The following SOX5 variants were observed in gnomAD, a reference collection of about 807,000 sequenced individuals.
SOX5 encodes the protein transcription factor SOX-5.
In SOX5, 9 loss-of-function variants were observed where a neutral mutation model predicts 92.0. The ratio of observed to expected loss-of-function variants is 0.10; its 90% confidence interval spans 0.06 to 0.17. SOX5 has a LOEUF of 0.17. Ranked by LOEUF, SOX5 falls within the 10% of genes least tolerant of loss-of-function variation. SOX5 has a pLI of 1.00. For missense variants in SOX5, 642 were observed against 944.5 expected, an observed-to-expected ratio of 0.68 and a Z score of 4.20; for synonymous variants, 344 against 336.3, an observed-to-expected ratio of 1.02 and a Z score of -0.25.
At chr12:24,455,273 A>G (rs1942874540) in intron 1 of SOX5, among the ~76,000 whole-genome samples, 1 of 152,208 alleles carries the variant, frequency 6.6e-6, no homozygotes, top group Non-Finnish European at 1.5e-5. Context: ...GAGTTCCTCT[A>G]TTTGAAACTG....
In SOX5 at chr12:24,171,824, C is replaced by T. The variant is rs554454755; in HGVS notation, c.-2+41519G>A. Among the ~76,000 whole-genome samples the T allele has an allele frequency of 3.3e-5, 5 of 151,708 alleles. No individual in the cohort carries two copies. The South Asian group carries it at 1.0e-3, about 32-fold the overall frequency. ...GGCAGCCTGGGCAACACAGCAAGAC[C>T]CTGTCTCTATTTTTAAAAAAAAGAA... is the stretch of plus-strand genomic sequence containing the variant. On this transcript the variant is annotated intron_variant, in intron 4 of 4. Transcript: ENST00000446891.
intron 1 of SOX5, among the ~76,000 whole-genome samples, chr12:24,432,582 A>G (rs547636617): frequency 1.3e-5 from 2 of 152,282 alleles, no homozygotes; most frequent in African/African-American, 4.8e-5. Context: ...TGGGAGGCCA[A>G]GGCAGCAGAT....
At chr12:24,447,907 G>A (rs866832849) in intron 1 of SOX5, among the ~76,000 whole-genome samples, 3 of 152,134 alleles carry the variant, frequency 2.0e-5, no homozygotes, top group Non-Finnish European at 2.9e-5. Context: ...GTGGCCGGGC[G>A]TGGTGGCTCA....
chr12:24,249,487 T>C (rs1189924841), intron 3 of SOX5, among the ~76,000 whole-genome samples: 1 of 152,248 alleles, frequency 6.6e-6, no homozygotes, highest in African/African-American at 2.4e-5. Context: ...GGTGTATCTT[T>C]TTTCTAATCT....
At chr12:23,587,941 G>A (rs536971361) in intron 9 of SOX5, among the ~76,000 whole-genome samples, 13 of 151,984 alleles carry the variant, frequency 8.6e-5, no homozygotes, top group South Asian at 2.1e-4. Context: ...GTTACCCACC[G>A]GCCATTTTAT....
chr12:23,996,670 C>T (rs1951060124), intron 4 of SOX5, among the ~76,000 whole-genome samples: 1 of 152,114 alleles, frequency 6.6e-6, no homozygotes, highest in African/African-American at 2.4e-5. Context: ...TGTACATGAG[C>T]CTCCAAAGCA....
At position 24,188,358 on chromosome 12, in the gene SOX5, T is replaced by G. The variant is rs551824822; in HGVS notation, c.-2+24985A>C. On this transcript the variant is annotated intron_variant, in intron 4 of 4. Coordinates refer to the SOX5 transcript ENST00000446891. ...TGTTGTTTATCCAATCTATTTTTAT[T>G]CTTTATAATAGCAAATGATATATCT... is the stretch of plus-strand genomic sequence containing the variant. Among the ~76,000 whole-genome samples, 3 of 152,316 alleles carry G rather than the reference T, an allele frequency of 2.0e-5. No individual in the cohort carries two copies. The South Asian group carries it at 6.2e-4, about 32-fold the overall frequency.
chr12:23,842,582 T>C (rs571622508), intron 3 of SOX5, among the ~76,000 whole-genome samples: 9 of 152,282 alleles, frequency 5.9e-5, no homozygotes, highest in South Asian at 4.1e-4. Context: ...CTTGGAGATA[T>C]GGATGATTCT....
At position 23,663,452 on chromosome 12, in the gene SOX5, G is replaced by T. The variant is rs576284618; in HGVS notation, c.931+1992C>A. Among the ~76,000 whole-genome samples the T allele has an allele frequency of 2.0e-5, 3 of 152,194 alleles. No homozygotes were observed. The East Asian group carries it at 5.8e-4, about 29-fold the overall frequency. ...TGGAGGTGTTCTTGACCTTTTCCAG[G>T]CCTACGGTTATGCTATTGTTCATAC... is the stretch of plus-strand genomic sequence containing the variant. On this transcript the variant is annotated intron_variant, in intron 7 of 14. Transcript: ENST00000451604.
chr12:24,237,111 C>T (rs1964668561), intron 3 of SOX5, among the ~76,000 whole-genome samples: 1 of 152,168 alleles, frequency 6.6e-6, no homozygotes, highest in Admixed American at 6.5e-5. Context: ...CAGCAGCTTA[C>T]GTATGCTCTG....
At chr12:24,245,494 C>G (rs992353353) in intron 3 of SOX5, among the ~76,000 whole-genome samples, 20 of 152,188 alleles carry the variant, frequency 1.3e-4, no homozygotes, top group Admixed American at 3.9e-4. Context: ...CTAATTTGAT[C>G]TGCCTATAAC....
chr12:24,247,171 CA>C (rs1471254491), intron 3 of SOX5, among the ~76,000 whole-genome samples: 2 of 151,828 alleles, frequency 1.3e-5, no homozygotes, highest in African/African-American at 4.8e-5. Flanking sequence ...TGGGTAGGGA[CA>C]TCAACAGGGG....
At chr12:23,760,317 A>C (rs1347471310) in intron 3 of SOX5, among the ~76,000 whole-genome samples, 1 of 152,138 alleles carries the variant, frequency 6.6e-6, no homozygotes, top group African/African-American at 2.4e-5. Context: ...ATGGAATACA[A>C]AACCAGGTTC....
rs188100051 is a variant in SOX5, at chr12:23,602,048, A to G, written c.1164+2339T>C. 1.3e-5 allele frequency among the ~76,000 whole-genome samples: 2 copies of G among 152,318 alleles called. 1 individual carries two copies. Among genetic ancestry groups the G allele is most frequent in the Admixed American group, 1.3e-4 (2 of 15,302 alleles). On this transcript the variant is annotated intron_variant, in intron 9 of 14. Transcript: ENST00000451604. The stretch of plus-strand genomic sequence containing the variant: ...AAGTACAACACCCACTATAAACCAC[A>G]TAAAGTTTTCTTAAACTTTATATGA...
At chr12:24,200,867 T>G (rs1018221672) in intron 4 of SOX5, among the ~76,000 whole-genome samples, 2 of 152,178 alleles carry the variant, frequency 1.3e-5, no homozygotes, top group African/African-American at 4.8e-5. Flanking sequence ...CCACAGAATT[T>G]TATTCAAATT....
At chr12:23,870,498 T>C (rs2096861019) in intron 2 of SOX5, among the ~76,000 whole-genome samples, 1 of 152,140 alleles carries the variant, frequency 6.6e-6, no homozygotes. Flanking sequence ...ACCAACTCTA[T>C]TCTTTTTTCT....
At chr12:23,982,415 T>C (rs1053608750) in intron 4 of SOX5, among the ~76,000 whole-genome samples, 1 of 152,154 alleles carries the variant, frequency 6.6e-6, no homozygotes, top group African/African-American at 2.4e-5. Context: ...TTTGTGTAAG[T>C]ATATGCTTAC....
rs1324111279 is a variant in SOX5 at position 23,534,369 on chromosome 12, A to T, written c.2142T>A (p.Gly714=). Residue 714 remains glycine (G), a synonymous_variant, in exon 15 of 15, where the codon GGT becomes GGA. Coordinates refer to ENST00000451604, the MANE Select transcript of SOX5 (RefSeq NM_006940.6). ...TGATATGTGGCTCCTCTCCTTTCAC[A>T]CCGTAAGTGCTCTGGATAACAGGCA... ...PGMPVIQSTY[G]VKGEEPHIKE... The T allele has an allele frequency of 6.2e-7, 1 of 1,613,984 alleles. No homozygotes were observed. The highest frequency in any genetic ancestry group is 8.5e-7 in the Non-Finnish European group (1 of 1,179,994).
chr12:24,229,416 G>GA (rs5797070), intron 3 of SOX5, among the ~76,000 whole-genome samples: 17 of 150,364 alleles, frequency 1.1e-4, no homozygotes, highest in South Asian at 4.2e-4. Flanking sequence ...AGAAGCATAA[G>GA]AAAAAAAAAA....
Sources: allele counts gnomAD v4.1 joint callset (sites outside exome capture counted in the v4.1 genomes callset), GRCh38; gene constraint gnomAD v4.1.1; transcripts MANE v1.5; gene names NCBI Gene and HGNC (gene_info 2026-07-23, HGNC 2026-07-21).